Variants in TTC28 observed in about 807,000 individuals in gnomAD.
TTC28 encodes the protein tetratricopeptide repeat domain 28, also known as tetratricopeptide repeat protein 28.
In TTC28, 61 loss-of-function variants were observed where a neutral mutation model predicts 198.0. That is an observed-to-expected ratio of 0.31 (90% CI 0.25 to 0.38). The LOEUF (loss-of-function observed/expected upper bound fraction) is 0.38, where lower values mean the gene tolerates loss of function less well. Among genes scored for constraint, TTC28 ranks in the 10% least tolerant of loss-of-function variants. The probability of loss-of-function intolerance (pLI) is 1.00; values close to 1 mark genes in which losing one functional copy is unlikely to be tolerated. For synonymous variants in TTC28, 1,171 were observed against 1,297.8 expected, an observed-to-expected ratio of 0.90 and a Z score of 2.10; for missense variants, 2,678 against 3,164.0, an observed-to-expected ratio of 0.85 and a Z score of 3.69.
chr22:28,579,987 TAC>T (rs374039787), intron 2 of TTC28, among the ~76,000 whole-genome samples: 25 of 150,806 alleles, frequency 1.7e-4, no homozygotes, highest in Non-Finnish European at 2.7e-4. Flanking sequence ...AAAAAAATTA[TAC>T]ACACACACAC....
At chr22:28,392,870 CTTT>C (rs1245558034) in intron 2 of TTC28, among the ~76,000 whole-genome samples, 37 of 80,676 alleles carry the variant, frequency 4.6e-4, no homozygotes, top group African/African-American at 1.6e-3. Flanking sequence ...TTCCTCCCTC[CTTT>C]TTTTTTTTTT....
At position 28,386,468 on chromosome 22, in the gene TTC28, G is replaced by A. The variant is rs78001473; in HGVS notation, c.382-79825C>T. Among the ~76,000 whole-genome samples, 326 of 152,124 alleles carry A rather than the reference G, an allele frequency of 2.1e-3. 3 individuals carry two copies. Among genetic ancestry groups the A allele is most frequent in the African/African-American group, 7.5e-3 (312 of 41,490 alleles). Reference sequence around the variant, plus strand: ...GTGCAATCCTTGGCATTCAGAAAGAGTCTGTTGAATTAAATGAATTAAATT... The same window carrying A: ...GTGCAATCCTTGGCATTCAGAAAGAATCTGTTGAATTAAATGAATTAAATT... On this transcript the variant is annotated intron_variant, in intron 2 of 22. Transcript: ENST00000397906.
At chr22:28,013,543 C>T (rs1290718277) in intron 14 of TTC28, among the ~76,000 whole-genome samples, 1 of 152,208 alleles carries the variant, frequency 6.6e-6, no homozygotes, top group East Asian at 1.9e-4. Flanking sequence ...GTCAGTGATT[C>T]CCAACAATAT....
At chr22:28,317,792 A>T (rs1380411228) in intron 2 of TTC28, among the ~76,000 whole-genome samples, 1 of 152,174 alleles carries the variant, frequency 6.6e-6, no homozygotes, top group Non-Finnish European at 1.5e-5. Flanking sequence ...AAGCAGTGAA[A>T]ATGCAGAGAG....
chr22:28,552,260 T>C (rs2049687202), intron 2 of TTC28, among the ~76,000 whole-genome samples: 1 of 152,160 alleles, frequency 6.6e-6, no homozygotes, highest in Non-Finnish European at 1.5e-5. Context: ...ACACAACCCA[T>C]GCTCATGGAT....
At chr22:28,371,509 C>CAAAAAAAAAAAAAAAAAAAAAAAAAA (rs1229801209) in intron 2 of TTC28, among the ~76,000 whole-genome samples, 2 of 6,104 alleles carry the variant, frequency 3.3e-4, no homozygotes, top group African/African-American at 5.2e-4. Flanking sequence ...GACCCTGTCT[C>CAAAAAAAAAAAAAAAAAAAAAAAAAA]AAAAAAAAAA....
chr22:28,492,391 A>AATGG (rs1306368510), intron 2 of TTC28, among the ~76,000 whole-genome samples: 1 of 152,224 alleles, frequency 6.6e-6, no homozygotes, highest in Non-Finnish European at 1.5e-5. Flanking sequence ...TTAGTTAATG[A>AATGG]ATGGATGCCT....
At chr22:28,274,839 T>C (rs1932308871) in intron 5 of TTC28, among the ~76,000 whole-genome samples, 1 of 151,648 alleles carries the variant, frequency 6.6e-6, no homozygotes, top group African/African-American at 2.4e-5. Context: ...ATTTGCCAGA[T>C]GTGGTAGCGC....
rs773297249 is a variant in TTC28, at chr22:28,282,691, G to A, written c.933+13507C>T. On this transcript the variant is annotated intron_variant, in intron 5 of 22. Coordinates refer to ENST00000397906, the MANE Select transcript of TTC28 (RefSeq NM_001145418.2). ...CTGTCCATGATAGAAGGCCTCTAGCGGCAAAACCAGGATTTGAATTTAGAT... is the reference window on the plus strand; with the variant it reads ...CTGTCCATGATAGAAGGCCTCTAGCAGCAAAACCAGGATTTGAATTTAGAT... 1.4e-4 allele frequency among the ~76,000 whole-genome samples: 21 copies of A among 152,232 alleles called. No individual in the cohort carries two copies. The South Asian group carries it at 2.1e-3, about 15-fold the overall frequency.
intron 2 of TTC28, among the ~76,000 whole-genome samples, chr22:28,344,523 G>A (rs530587640): frequency 1.3e-5 from 2 of 152,192 alleles, no homozygotes; most frequent in Non-Finnish European, 2.9e-5. Context: ...GATCTAGAAA[G>A]TTTAAAAGAA....
chr22:28,035,304 G>A (rs1939295096), intron 12 of TTC28, among the ~76,000 whole-genome samples: 1 of 152,146 alleles, frequency 6.6e-6, no homozygotes. Context: ...CCTGTGCACA[G>A]GGCAGTGAGA....
At chr22:28,350,957 C>T (rs902997711) in intron 2 of TTC28, among the ~76,000 whole-genome samples, 2 of 151,930 alleles carry the variant, frequency 1.3e-5, no homozygotes, top group Non-Finnish European at 2.9e-5. Flanking sequence ...CTGAGGCAGG[C>T]GGATCACAAG....
At chr22:28,472,546 A>ATGTGTGTG (rs755019373) in intron 2 of TTC28, among the ~76,000 whole-genome samples, 3 of 88,928 alleles carry the variant, frequency 3.4e-5, no homozygotes, top group Non-Finnish European at 7.7e-5. Flanking sequence ...CAAAAAGAAA[A>ATGTGTGTG]TGTGTATGTG....
intron 2 of TTC28, among the ~76,000 whole-genome samples, chr22:28,444,420 A>C (rs963004789): frequency 2.0e-4 from 31 of 152,208 alleles, no homozygotes; most frequent in African/African-American, 7.5e-4. Flanking sequence ...CAAAACAATT[A>C]GTTAACTCAA....
chr22:28,053,745 T>C (rs1472939319), intron 12 of TTC28, among the ~76,000 whole-genome samples: 1 of 152,190 alleles, frequency 6.6e-6, no homozygotes, highest in Non-Finnish European at 1.5e-5. Flanking sequence ...GACAGCTACA[T>C]TCCTCTTTTC....
At chr22:28,102,925 C>T (rs759133584) in intron 8 of TTC28, among the ~76,000 whole-genome samples, 47 of 152,038 alleles carry the variant, frequency 3.1e-4, no homozygotes, top group Non-Finnish European at 5.3e-4. Context: ...AGAAGGATAC[C>T]GATTGTTTAA....
intron 2 of TTC28, among the ~76,000 whole-genome samples, chr22:28,425,923 A>C (rs2047342615): frequency 6.6e-6 from 1 of 152,016 alleles, no homozygotes; most frequent in African/African-American, 2.4e-5. Context: ...CCCTCAACAA[A>C]ATTTTGGCTG....
intron 5 of TTC28, among the ~76,000 whole-genome samples, chr22:28,275,900 C>T (rs188028192): frequency 6.1e-4 from 93 of 152,200 alleles, no homozygotes; most frequent in African/African-American, 2.2e-3. Flanking sequence ...GTAATCCTGA[C>T]CTCCCAGTTG....
intron 1 of TTC28, among the ~76,000 whole-genome samples, chr22:28,660,385 G>C (rs1020848099): frequency 6.6e-6 from 1 of 152,158 alleles, no homozygotes; most frequent in African/African-American, 2.4e-5. Context: ...GAATGCAGTG[G>C]CACCATCTCA....
Sources: gnomAD v4.1 joint callset for allele counts (sites outside exome capture counted in the v4.1 genomes callset) on GRCh38, gnomAD v4.1.1 for gene constraint, MANE v1.5 for transcripts, NCBI Gene and HGNC (gene_info 2026-07-23, HGNC 2026-07-21) for gene names.